The following ATRNL1 variants were observed in gnomAD, a reference collection of about 807,000 sequenced individuals.
ATRNL1 encodes the protein attractin like 1.
In ATRNL1, 95 loss-of-function variants were observed where a neutral mutation model predicts 182.7. The observed-to-expected ratio is 0.52, with a 90% CI of 0.44 to 0.62. ATRNL1 has a LOEUF of 0.62. Among genes scored for constraint, ATRNL1 ranks in the 20% least tolerant of loss-of-function variants. The pLI, the probability that ATRNL1 is intolerant of heterozygous loss-of-function variation, is 0.00. For synonymous variants in ATRNL1, 576 were observed against 568.3 expected, an observed-to-expected ratio of 1.01 and a Z score of -0.19; for missense variants, 1,471 against 1,679.5, an observed-to-expected ratio of 0.88 and a Z score of 2.17.
intron 19 of ATRNL1, among the ~76,000 whole-genome samples, chr10:115,381,494 A>G (rs1554951087): frequency 7.1e-6 from 1 of 140,002 alleles, no homozygotes; most frequent in Non-Finnish European, 1.5e-5. Flanking sequence ...GCTGGTCTCA[A>G]ACTCCTGACC....
intron 25 of ATRNL1, among the ~76,000 whole-genome samples, chr10:115,538,186 T>C (rs1852151893): frequency 6.6e-6 from 1 of 152,194 alleles, no homozygotes; most frequent in South Asian, 2.1e-4. Context: ...TACACAAACA[T>C]AAGTTTTCAT....
At chr10:115,466,110 C>A (rs979983103) in intron 22 of ATRNL1, among the ~76,000 whole-genome samples, 4 of 151,380 alleles carry the variant, frequency 2.6e-5, no homozygotes, top group Non-Finnish European at 5.9e-5. Flanking sequence ...CAGGGAAAGG[C>A]CATTTTCCTT....
intron 26 of ATRNL1, among the ~76,000 whole-genome samples, chr10:115,637,793 T>C (rs1333943552): frequency 6.6e-6 from 1 of 151,656 alleles, no homozygotes; most frequent in African/African-American, 2.4e-5. Flanking sequence ...CCCAGCTAGT[T>C]TTTGTTTTGT....
intron 21 of ATRNL1, among the ~76,000 whole-genome samples, chr10:115,461,466 A>G (rs1443436146): frequency 6.6e-6 from 1 of 152,094 alleles, no homozygotes; most frequent in South Asian, 2.1e-4. Context: ...ACAAATAAAT[A>G]CATTATATGA....
chr10:115,093,795 G>T lies in ATRNL1; in HGVS notation c.45G>T (p.Ala15=). Residue 15 remains alanine (A), a synonymous_variant, in exon 1 of 29, where the codon GCG becomes GCT. Coordinates refer to ENST00000355044, the MANE Select transcript of ATRNL1 (RefSeq NM_207303.4). This position sits in a 1 kb window ranked among gnomAD's most constrained non-coding sequence, Gnocchi z 6.1. ...GRARTGTPQP[A]APGVWRARPA... is the part of the protein sequence containing the mutation. ...CCCGCACTGGTACCCCGCAGCCAGCGGCCCCGGGGGTGTGGAGGGCTCGGC... is the reference window on the plus strand; with the variant it reads ...CCCGCACTGGTACCCCGCAGCCAGCTGCCCCGGGGGTGTGGAGGGCTCGGC... The T allele has an allele frequency of 7.0e-7, 1 of 1,432,860 alleles. No individual in the cohort carries two copies. Among genetic ancestry groups the T allele is most frequent in the Non-Finnish European group, 9.1e-7 (1 of 1,099,004 alleles). The allele number at this position is 1,432,860 out of a possible 1,614,324, so 88.8% of individuals were successfully genotyped here. A position where few individuals can be genotyped will look rare whatever the true frequency, so the allele number is the denominator to read the frequency against.
intron 22 of ATRNL1, among the ~76,000 whole-genome samples, chr10:115,463,879 G>A (rs1427209732): frequency 6.6e-6 from 1 of 151,862 alleles, no homozygotes; most frequent in Non-Finnish European, 1.5e-5. Context: ...CAAACCTGTG[G>A]GGTTCTTTGA....
chr10:115,445,807 C>T (rs1054220132), intron 21 of ATRNL1, among the ~76,000 whole-genome samples: 4 of 1,378 alleles, frequency 2.9e-3, no homozygotes, highest in African/African-American at 0.019. Context: ...CATTTATCTT[C>T]TTTTTGTCTG....
At chr10:115,123,282 AC>A (rs1355080657) in intron 3 of ATRNL1, among the ~76,000 whole-genome samples, 1 of 152,060 alleles carries the variant, frequency 6.6e-6, no homozygotes, top group Non-Finnish European at 1.5e-5. Context: ...TCTAATCCTC[AC>A]AAAGATCTCG....
At chr10:115,793,027 A>C (rs1266657635) in intron 27 of ATRNL1, among the ~76,000 whole-genome samples, 1 of 152,060 alleles carries the variant, frequency 6.6e-6, no homozygotes, top group Non-Finnish European at 1.5e-5. Flanking sequence ...TTTCCATATA[A>C]GTAGTAAAAC....
At chr10:115,270,341 A>T (rs2133893245) in intron 13 of ATRNL1, among the ~76,000 whole-genome samples, 9 of 144,984 alleles carry the variant, frequency 6.2e-5, no homozygotes, top group East Asian at 3.9e-4. Context: ...TTTATATATT[A>T]TATACAGATA....
In ATRNL1 at chr10:115,169,460, C is replaced by T. The variant is rs1170800128; in HGVS notation, c.1093-1577C>T. Among the ~76,000 whole-genome samples, 3 of 152,118 alleles carry T rather than the reference C, an allele frequency of 2.0e-5. 1 individual carries two copies. The highest frequency in any genetic ancestry group is 3.9e-4 in the East Asian group (2 of 5,156). On this transcript the variant is annotated intron_variant, in intron 7 of 28. Coordinates refer to ENST00000355044, the MANE Select transcript of ATRNL1 (RefSeq NM_207303.4). Reference sequence around the variant, plus strand: ...CTGACCTCAAGTGATCCACTCGCCTCGGACTTTCAAAGTGCTGGGATTACA... The same window carrying T: ...CTGACCTCAAGTGATCCACTCGCCTTGGACTTTCAAAGTGCTGGGATTACA...
intron 26 of ATRNL1, among the ~76,000 whole-genome samples, chr10:115,571,652 A>G (rs1429982129): frequency 6.6e-6 from 1 of 152,170 alleles, no homozygotes; most frequent in Non-Finnish European, 1.5e-5. Flanking sequence ...AATAGATTTT[A>G]TAAAGGGTTT....
At chr10:115,755,946 A>G (rs1164544651) in intron 27 of ATRNL1, among the ~76,000 whole-genome samples, 4 of 151,946 alleles carry the variant, frequency 2.6e-5, no homozygotes, top group Non-Finnish European at 2.9e-5. Flanking sequence ...TTTCTAGTTT[A>G]TTTGCATAGA....
intron 8 of ATRNL1, among the ~76,000 whole-genome samples, chr10:115,199,918 C>T (rs541989411): frequency 1.3e-5 from 2 of 152,268 alleles, no homozygotes; most frequent in African/African-American, 4.8e-5. Context: ...TCTCTGTAGA[C>T]AGGTGAACAG....
chr10:115,691,058 A>G (rs1241853824), intron 26 of ATRNL1, among the ~76,000 whole-genome samples: 1 of 152,126 alleles, frequency 6.6e-6, no homozygotes, highest in African/African-American at 2.4e-5. Flanking sequence ...AGACATCAGT[A>G]TTCTTTCCTA....
chr10:115,765,418 A>T (rs1331287554), intron 27 of ATRNL1, among the ~76,000 whole-genome samples: 2 of 152,212 alleles, frequency 1.3e-5, no homozygotes, highest in Non-Finnish European at 2.9e-5. Context: ...TCTGATCTAC[A>T]GAACATCATC....
intron 28 of ATRNL1, among the ~76,000 whole-genome samples, chr10:115,939,450 TA>T (rs1230100745): frequency 1.3e-5 from 2 of 152,218 alleles, no homozygotes; most frequent in African/African-American, 4.8e-5. Flanking sequence ...GTTTAAGAAC[TA>T]AAAGTACAAA....
intron 28 of ATRNL1, among the ~76,000 whole-genome samples, chr10:115,884,741 T>G (rs528864312): frequency 6.6e-6 from 1 of 152,194 alleles, no homozygotes; most frequent in East Asian, 1.9e-4. Context: ...ACGCATCACA[T>G]GTACAGGTCT....
chr10:115,342,146 T>C (rs1178732225), intron 19 of ATRNL1, among the ~76,000 whole-genome samples: 1 of 152,076 alleles, frequency 6.6e-6, no homozygotes, highest in Non-Finnish European at 1.5e-5. Flanking sequence ...GGTTTTTATT[T>C]CTTGTGTATC....
Sources: allele counts gnomAD v4.1 joint callset (sites outside exome capture counted in the v4.1 genomes callset), GRCh38; gene constraint gnomAD v4.1.1; non-coding constraint Gnocchi (gnomAD v3.1); transcripts MANE v1.5; gene names NCBI Gene and HGNC (gene_info 2026-07-23, HGNC 2026-07-21).